Variants in ZFAND6 observed in about 807,000 individuals in gnomAD.
The protein encoded by ZFAND6 is AN1-type zinc finger protein 6.
In ZFAND6, 12 loss-of-function variants were observed where a neutral mutation model predicts 24.5. The ratio of observed to expected loss-of-function variants is 0.49; its 90% CI spans 0.31 to 0.79. The LOEUF is 0.79. Ranked by LOEUF, ZFAND6 falls within the 30% of genes least tolerant of loss-of-function variation. ZFAND6 has a pLI of 0.04. For missense variants in ZFAND6, 207 were observed against 245.9 expected, an observed-to-expected ratio of 0.84 and a Z score of 1.06; for synonymous variants, 92 against 81.5, an observed-to-expected ratio of 1.13 and a Z score of -0.69.
At chr15:80,095,316 T>C (rs1012898932) in intron 1 of ZFAND6, among the ~76,000 whole-genome samples, 1 of 152,226 alleles carries the variant, frequency 6.6e-6, no homozygotes, top group South Asian at 2.1e-4. Flanking sequence ...ATGTTACACT[T>C]GTGTGCTTTT....
intron 2 of ZFAND6, among the ~76,000 whole-genome samples, chr15:80,112,367 A>C (rs936893154): frequency 2.0e-5 from 3 of 152,202 alleles, no homozygotes; most frequent in Admixed American, 6.5e-5. Context: ...TTTTGTATCA[A>C]GTCATACTTT....
At chr15:80,084,732 G>A (rs1283812292) in intron 1 of ZFAND6, among the ~76,000 whole-genome samples, 9 of 152,164 alleles carry the variant, frequency 5.9e-5, no homozygotes, top group Admixed American at 5.9e-4. Context: ...AGTCATTGAA[G>A]GTTTTTGCTT....
chr15:80,064,311 A>G (rs2036491514), intron 1 of ZFAND6, among the ~76,000 whole-genome samples: 2 of 152,200 alleles, frequency 1.3e-5, no homozygotes, highest in African/African-American at 4.8e-5. Flanking sequence ...ATTTGACTAA[A>G]AATATGACAG....
chr15:80,074,425 A>C (rs1220825473), intron 1 of ZFAND6, among the ~76,000 whole-genome samples: 1 of 151,856 alleles, frequency 6.6e-6, no homozygotes, highest in Non-Finnish European at 1.5e-5. Flanking sequence ...CTTTCAAGAA[A>C]ATATATCAGA....
chr15:80,122,811 G>T lies in ZFAND6; in HGVS notation c.364+11G>T. 6.3e-7 allele frequency: 1 copy of T among 1,595,642 alleles called. No homozygotes were observed. Among genetic ancestry groups the T allele is most frequent in the South Asian group, 1.1e-5 (1 of 90,440 alleles). On this transcript the variant is annotated intron_variant, in intron 5 of 6. Coordinates refer to ENST00000261749, the MANE Select transcript of ZFAND6 (RefSeq NM_019006.4). ...CAGAAGATGTGCAGGGTTTGTATAT[G>T]AACTAGCATGTATTTTGTTATTTGA...
At chr15:80,074,078 G>C (rs2037130493) in intron 1 of ZFAND6, among the ~76,000 whole-genome samples, 1 of 152,042 alleles carries the variant, frequency 6.6e-6, no homozygotes, top group Admixed American at 6.5e-5. Context: ...ATGCTTCAAA[G>C]TTTTTCTGAT....
intron 1 of ZFAND6, among the ~76,000 whole-genome samples, chr15:80,088,340 G>A (rs193254759): frequency 3.9e-5 from 6 of 152,168 alleles, no homozygotes; most frequent in Non-Finnish European, 1.5e-5. Flanking sequence ...GGCCAAGGTG[G>A]GTGGATTACC....
At chr15:80,065,435 T>C (rs1205659556) in intron 1 of ZFAND6, among the ~76,000 whole-genome samples, 1 of 152,072 alleles carries the variant, frequency 6.6e-6, no homozygotes, top group Non-Finnish European at 1.5e-5. Flanking sequence ...GTTTCTGTTA[T>C]TGTTTAAGTC....
chr15:80,092,359 ACGGGAGG>A (rs1456548014), intron 1 of ZFAND6, among the ~76,000 whole-genome samples: 1 of 150,340 alleles, frequency 6.7e-6, no homozygotes, highest in East Asian at 1.9e-4. Context: ...TTGCTTGAGG[ACGGGAGG>A]CGGAGGTTGC....
chr15:80,122,629 T>C, intron 4 of ZFAND6, 71 bp from the exon 5 acceptor site: 1 of 975,334 alleles, frequency 1.0e-6, no homozygotes, highest in South Asian at 1.4e-5. Context: ...TGTTGAACTC[T>C]TACTGTGTCA....
chr15:80,099,943 G>A (rs895420253), intron 2 of ZFAND6, among the ~76,000 whole-genome samples: 1 of 152,128 alleles, frequency 6.6e-6, no homozygotes, highest in Non-Finnish European at 1.5e-5. Context: ...AATGAAAGTG[G>A]TCAAAGGATA....
chr15:80,099,618 C>CTTT (rs3082079), intron 2 of ZFAND6, among the ~76,000 whole-genome samples: 2 of 109,184 alleles, frequency 1.8e-5, no homozygotes, highest in Non-Finnish European at 1.8e-5. Context: ...TATGGATATC[C>CTTT]TTTTTTTTTT....
chr15:80,085,107 T>C (rs2037911941), intron 1 of ZFAND6, among the ~76,000 whole-genome samples: 1 of 152,238 alleles, frequency 6.6e-6, no homozygotes, highest in African/African-American at 2.4e-5. Context: ...GATTCTTCCA[T>C]ACGTCATACC....
intron 1 of ZFAND6, among the ~76,000 whole-genome samples, chr15:80,080,734 G>T (rs1351495425): frequency 6.6e-6 from 1 of 152,184 alleles, no homozygotes. Context: ...CCAGAGATCT[G>T]CTCAGCTTGT....
chr15:80,120,641 A>T, intron 3 of ZFAND6, 143 bp downstream of exon 3: 1 of 631,572 alleles, frequency 1.6e-6, no homozygotes, highest in Non-Finnish European at 2.3e-6. Context: ...ACACATTGTG[A>T]TTATAATCAG....
intron 6 of ZFAND6, 89 bp downstream of exon 6, chr15:80,131,382 C>A: frequency 8.8e-7 from 1 of 1,138,430 alleles, no homozygotes; most frequent in Non-Finnish European, 1.3e-6. Context: ...AAGATTGTTC[C>A]TGTTCCCTTG....
At chr15:80,114,331 G>A (rs2039761216) in intron 2 of ZFAND6, among the ~76,000 whole-genome samples, 1 of 152,202 alleles carries the variant, frequency 6.6e-6, no homozygotes, top group Admixed American at 6.5e-5. Context: ...AGCCCATTCT[G>A]TTTACATACA....
At chr15:80,125,785 A>G (rs1055409775) in intron 5 of ZFAND6, among the ~76,000 whole-genome samples, 3 of 152,336 alleles carry the variant, frequency 2.0e-5, no homozygotes, top group South Asian at 2.1e-4. Flanking sequence ...CATAGTAGAA[A>G]AATACTGAAT....
chr15:80,113,423 G>T (rs1367065348), intron 2 of ZFAND6, among the ~76,000 whole-genome samples: 3 of 152,104 alleles, frequency 2.0e-5, no homozygotes, highest in Non-Finnish European at 2.9e-5. Flanking sequence ...TTTAACTGAG[G>T]TTTGCTAGTT....
Sources: allele counts gnomAD v4.1 joint callset (sites outside exome capture counted in the v4.1 genomes callset), GRCh38; gene constraint gnomAD v4.1.1; transcripts MANE v1.5; gene names NCBI Gene and HGNC (gene_info 2026-07-23, HGNC 2026-07-21).